Variants in POP1 observed in about 807,000 individuals in gnomAD.
The protein encoded by POP1 is POP1 ribonuclease P/MRP subunit.
A neutral mutation model predicts 102.2 loss-of-function variants in POP1; 75 were observed. The ratio of observed to expected loss-of-function variants is 0.73; its 90% CI spans 0.61 to 0.89. The LOEUF is 0.89. Ranked by LOEUF, POP1 falls within the 40% of genes least tolerant of loss-of-function variation. The probability of loss-of-function intolerance (pLI) is 0.00; values close to 1 mark genes in which losing one functional copy is unlikely to be tolerated. For missense variants in POP1, 1,116 were observed against 1,267.4 expected, an observed-to-expected ratio of 0.88 and a Z score of 1.81; for synonymous variants, 436 against 464.1, an observed-to-expected ratio of 0.94 and a Z score of 0.78.
intron 14 of POP1, among the ~76,000 whole-genome samples, chr8:98,155,234 A>G: frequency 6.6e-6 from 1 of 152,274 alleles, no homozygotes; most frequent in Non-Finnish European, 1.5e-5. Flanking sequence ...TTTATTGAAG[A>G]CCAAAGAAAA....
chr8:98,120,984 T>C (rs1325701367), intron 1 of POP1, among the ~76,000 whole-genome samples: 1 of 152,038 alleles, frequency 6.6e-6, no homozygotes, highest in Non-Finnish European at 1.5e-5. Context: ...GATTTCACCA[T>C]GTTTGCCAGG....
In POP1 at chr8:98,136,703, C is replaced by G. The variant is rs1483828352; in HGVS notation, c.1233C>G (p.Tyr411Ter). The change falls in exon 8 of 16, where the codon TAC becomes TAG. Residue 411 changes from tyrosine to a stop codon, truncating the protein, a stop_gained. Transcript: ENST00000401707. LOFTEE classifies it high-confidence loss of function. Reference protein sequence around the residue: ...GDGTRDPCLPYSWISPTTGII... With the variant: ...GDGTRDPCLP ...GAACTAGAGATCCATGTCTACCATA[C>G]TCTTGGATCTCTCCAACCACAGGCA... 3 of 1,613,374 alleles carry G rather than the reference C, an allele frequency of 1.9e-6. No individual in the cohort carries two copies. Among genetic ancestry groups the G allele is most frequent in the Non-Finnish European group, 2.5e-6 (3 of 1,179,388 alleles).
At chr8:98,136,375 C>G in intron 7 of POP1, 107 bp from the exon 8 acceptor site, 1 of 1,319,156 alleles carries the variant, frequency 7.6e-7, no homozygotes, top group South Asian at 1.4e-5. Flanking sequence ...CGTGCCTGGC[C>G]AAAAATGTTA....
intron 14 of POP1, among the ~76,000 whole-genome samples, chr8:98,155,222 T>G (rs1251832915): frequency 6.6e-6 from 1 of 152,170 alleles, no homozygotes; most frequent in African/African-American, 2.4e-5. Flanking sequence ...GGGGCTACAT[T>G]GTTTATTGAA....
rs769926677 is a variant in POP1, at chr8:98,126,012, A to AT, written c.143-1566dup. Among the ~76,000 whole-genome samples the AT allele has an allele frequency of 8.5e-3, 1,199 of 140,588 alleles. 11 individuals carry two copies. The highest frequency in any genetic ancestry group is 0.047 in the Middle Eastern group (13 of 276). The allele number at this position is 140,588 out of a possible 152,430, so 92.2% of individuals were successfully genotyped here. A position where few individuals can be genotyped will look rare whatever the true frequency, so the allele number is the denominator to read the frequency against. On this transcript the variant is annotated intron_variant, in intron 2 of 15. Coordinates refer to ENST00000401707, the MANE Select transcript of POP1 (RefSeq NM_001145860.2). ...AAGCATGTGCCATTATGCCCAGCAA[A>AT]TTTTTTTTTTTTTTTTTGGTAGAGA...
chr8:98,143,046 A>G (rs530295826), intron 11 of POP1, among the ~76,000 whole-genome samples: 2 of 152,366 alleles, frequency 1.3e-5, no homozygotes, highest in South Asian at 2.1e-4. Context: ...AGAAAGTTCA[A>G]TTTAACATTT....
chr8:98,151,358 G>A (rs1427662942), intron 14 of POP1, among the ~76,000 whole-genome samples: 1 of 152,234 alleles, frequency 6.6e-6, no homozygotes, highest in Non-Finnish European at 1.5e-5. Context: ...CAGGATTATA[G>A]GTGTGAGCCA....
In POP1 at chr8:98,157,963, C is replaced by G. The variant is rs137919406; in HGVS notation, c.2767C>G (p.Pro923Ala). The change falls in exon 16 of 16, where the codon CCA becomes GCA. Residue 923 changes from proline to alanine, a missense_variant. Pro to Ala is a conservative substitution (Grantham distance 27, BLOSUM62 -1). Coordinates refer to ENST00000401707, the MANE Select transcript of POP1 (RefSeq NM_001145860.2). The stretch of plus-strand genomic sequence containing the variant: ...GAAGAAAAGGGAGAAGAGGCAGAAG[C>G]CAGGACGTGCCTCTTCTGATGGCCC... ...EKKKREKRQKPGRASSDGPAG... is the reference protein window; with the variant it reads ...EKKKREKRQKAGRASSDGPAG... 5.0e-6 allele frequency: 8 copies of G among 1,613,614 alleles called. No homozygotes were observed. Among genetic ancestry groups the G allele is most frequent in the Admixed American group, 1.7e-5 (1 of 60,034 alleles).
intron 12 of POP1, 78 bp downstream of exon 12, chr8:98,146,761 T>A: frequency 3.7e-6 from 4 of 1,090,294 alleles, no homozygotes; most frequent in Non-Finnish European, 5.6e-6. Flanking sequence ...CATAAAAAGT[T>A]ATTCATACTT....
intron 13 of POP1, 125 bp from the exon 14 acceptor site, chr8:98,150,360 G>A: frequency 1.0e-6 from 1 of 975,124 alleles, no homozygotes; most frequent in Non-Finnish European, 1.6e-6. Flanking sequence ...GTAATCCATT[G>A]TGTGTATTTC....
intron 14 of POP1, among the ~76,000 whole-genome samples, chr8:98,153,033 G>T (rs531533932): frequency 1.3e-5 from 2 of 152,204 alleles, no homozygotes; most frequent in East Asian, 3.9e-4. Context: ...GCAGTGGTGC[G>T]ATCATAGCTT....
At chr8:98,156,476 G>T in intron 15 of POP1, 64 bp downstream of exon 15, 2 of 1,597,270 alleles carry the variant, frequency 1.3e-6, no homozygotes, top group Non-Finnish European at 1.7e-6. Flanking sequence ...GAGGCTACAG[G>T]ATGTAAGCGT....
At chr8:98,130,288 T>G in intron 5 of POP1, 62 bp downstream of exon 5, 1 of 1,595,466 alleles carries the variant, frequency 6.3e-7, no homozygotes, top group African/African-American at 1.3e-5. Context: ...TAGAGGCCTT[T>G]AGAATAGTTT....
rs1259414483 is a variant in POP1 at position 98,158,010 on chromosome 8, T to C, written c.2814T>C (p.Ala938=). 6 of 1,612,124 alleles carry C rather than the reference T, an allele frequency of 3.7e-6. No individual in the cohort carries two copies. The highest frequency in any genetic ancestry group is 8.5e-7 in the Non-Finnish European group (1 of 1,180,036). ...GCCCGGCGGGGGAAGAGCCCGTGGC[T>C]GGGCAGGAAGCTCTGACTCTAGGGC... ...SDGPAGEEPV[A]GQEALTLGLW... The change falls in exon 16 of 16, where the codon GCT becomes GCC. Residue 938 remains alanine, a synonymous_variant. Coordinates refer to ENST00000401707, the MANE Select transcript of POP1 (RefSeq NM_001145860.2).
chr8:98,128,926 GA>G (rs954948710), intron 4 of POP1, among the ~76,000 whole-genome samples: 2 of 147,440 alleles, frequency 1.4e-5, no homozygotes, highest in Admixed American at 6.8e-5. Flanking sequence ...TGTCTAAAAA[GA>G]AAAAAAAAAC....
chr8:98,157,665 T>A lies in POP1; in HGVS notation c.2469T>A (p.Ser823=), dbSNP rs770831980. The A allele has an allele frequency of 3.9e-5, 63 of 1,614,202 alleles. 1 individual carries two copies. In the Admixed American group the frequency reaches 1.0e-3, roughly 26 times the overall value. The part of the protein sequence containing the change: ...KQLSAWCGPS[S]EDSRGGRRAP... ...TGTCAGCCTGGTGTGGGCCCAGTTC[T>A]GAGGATAGTCGGGGAGGCCGGCGAG... The change falls in exon 16 of 16, where the codon TCT becomes TCA. Residue 823 remains serine (S), a synonymous_variant. Transcript: ENST00000401707.
intron 9 of POP1, among the ~76,000 whole-genome samples, chr8:98,139,299 A>G (rs569898125): frequency 6.6e-5 from 10 of 152,366 alleles, no homozygotes; most frequent in African/African-American, 2.2e-4. Context: ...TGTGGAAAAA[A>G]TATACATTTC....
intron 12 of POP1, among the ~76,000 whole-genome samples, chr8:98,147,345 C>A (rs1255154394): frequency 3.9e-5 from 6 of 152,166 alleles, no homozygotes; most frequent in Admixed American, 3.9e-4. Flanking sequence ...GATAAGATTG[C>A]AGGAAGTAAG....
intron 7 of POP1, among the ~76,000 whole-genome samples, chr8:98,135,029 C>T (rs1160989265): frequency 6.6e-6 from 1 of 152,042 alleles, no homozygotes; most frequent in Non-Finnish European, 1.5e-5. Flanking sequence ...TGTAATCCCA[C>T]CACTTTGGGA....
Sources: allele counts gnomAD v4.1 joint callset (sites outside exome capture counted in the v4.1 genomes callset), GRCh38; gene constraint gnomAD v4.1.1; transcripts MANE v1.5; gene names NCBI Gene and HGNC (gene_info 2026-07-23, HGNC 2026-07-21).